CCDC195: variants seen among roughly 807,000 people sequenced by gnomAD.
CCDC195 encodes coiled-coil domain-containing protein 195.
At chr2:224,704,256 T>C (rs1037453299) in intron 2 of CCDC195, among the ~76,000 whole-genome samples, 3 of 152,202 alleles carry the variant, frequency 2.0e-5, no homozygotes, top group Non-Finnish European at 2.9e-5. Context: ...GAGGCAATTA[T>C]TTTATAGTCC....
intron 1 of CCDC195, among the ~76,000 whole-genome samples, chr2:224,711,568 A>G (rs1198047456): frequency 6.6e-6 from 1 of 151,790 alleles, no homozygotes; most frequent in Non-Finnish European, 1.5e-5. Flanking sequence ...CACTGATCTC[A>G]TGGGTTGGTT....
intron 2 of CCDC195, among the ~76,000 whole-genome samples, chr2:224,707,729 A>G (rs1689232322): frequency 6.6e-6 from 1 of 152,378 alleles, no homozygotes; most frequent in Admixed American, 6.5e-5. Flanking sequence ...AATCCTGCCC[A>G]ACATGCAGCA....
intron 1 of CCDC195, among the ~76,000 whole-genome samples, chr2:224,711,249 C>T (rs1417923603): frequency 2.0e-5 from 3 of 152,166 alleles, no homozygotes; most frequent in East Asian, 1.9e-4. Flanking sequence ...TTGGAGAGCC[C>T]CTGAAAGAGA....
chr2:224,714,408 A>ACTG (rs1559323308), intron 1 of CCDC195, among the ~76,000 whole-genome samples: 1 of 151,730 alleles, frequency 6.6e-6, no homozygotes, highest in African/African-American at 2.4e-5. Flanking sequence ...GACTTGAAGT[A>ACTG]TTGTTTATTT....
chr2:224,706,189 C>CTTTTTTGTT (rs1697238257), intron 2 of CCDC195, among the ~76,000 whole-genome samples: 1 of 33,340 alleles, frequency 3.0e-5, no homozygotes, highest in Non-Finnish European at 4.7e-5. Context: ...TATTTTGTAA[C>CTTTTTTGTT]TTTTTTTTTT....
rs147690815 is a variant in CCDC195 at position 224,710,371 on chromosome 2, G to C, written c.236-152C>G. ...AAAAGATATCCATTTGGCCTGGCGC[G>C]GTGGCTCACACCTGTAATCCCAGCA... On this transcript the variant is annotated intron_variant, in intron 1 of 2. Transcript: ENST00000638102. Among the ~76,000 whole-genome samples the C allele has an allele frequency of 7.4e-4, 112 of 152,302 alleles. 4 individuals are homozygous for C. In the South Asian group the frequency reaches 0.022, roughly 30 times the overall value.
At chr2:224,711,207 T>C (rs1309506829) in intron 1 of CCDC195, among the ~76,000 whole-genome samples, 1 of 152,082 alleles carries the variant, frequency 6.6e-6, no homozygotes, top group Non-Finnish European at 1.5e-5. Context: ...AGGAGACACA[T>C]GGCAAAGAGC....
At chr2:224,713,362 A>G (rs1007496270) in intron 1 of CCDC195, among the ~76,000 whole-genome samples, 1 of 152,198 alleles carries the variant, frequency 6.6e-6, no homozygotes, top group Non-Finnish European at 1.5e-5. Context: ...TACTTACACT[A>G]TCTTTACTCC....
intron 2 of CCDC195, among the ~76,000 whole-genome samples, chr2:224,709,330 C>A (rs1034663957): frequency 2.0e-5 from 3 of 152,090 alleles, no homozygotes; most frequent in African/African-American, 7.2e-5. Flanking sequence ...CTCAAGTGAT[C>A]CAGCCCGCCT....
At chr2:224,707,969 T>TACG in intron 2 of CCDC195, among the ~76,000 whole-genome samples, 1 of 67,310 alleles carries the variant, frequency 1.5e-5, no homozygotes, top group East Asian at 5.3e-4. Flanking sequence ...CCTCCCTCCC[T>TACG]TCTTCCCTCC....
At chr2:224,704,938 C>T (rs887280171) in intron 2 of CCDC195, among the ~76,000 whole-genome samples, 3 of 152,146 alleles carry the variant, frequency 2.0e-5, no homozygotes, top group Admixed American at 6.6e-5. Flanking sequence ...GCTGCACCCT[C>T]TTTTGGGAGG....
chr2:224,706,906 T>TAC (rs149946593), intron 2 of CCDC195, among the ~76,000 whole-genome samples: 13,226 of 151,260 alleles, frequency 0.087, 749 homozygotes, highest in East Asian at 0.26. Context: ...TATATATATA[T>TAC]ACACACACGC....
chr2:224,715,628 C>T (rs981782660), intron 1 of CCDC195, among the ~76,000 whole-genome samples: 2 of 152,220 alleles, frequency 1.3e-5, no homozygotes, highest in East Asian at 3.8e-4. Context: ...GGTACTATAA[C>T]ACTTCCAGAT....
intron 1 of CCDC195, among the ~76,000 whole-genome samples, chr2:224,715,152 C>T (rs1689364271): frequency 6.6e-6 from 1 of 152,178 alleles, no homozygotes; most frequent in Non-Finnish European, 1.5e-5. Flanking sequence ...AGGTCTCAAT[C>T]TCTTGACCTC....
At chr2:224,714,003 ATTCTTTTCTT>A (rs1049601659) in intron 1 of CCDC195, among the ~76,000 whole-genome samples, 2 of 150,728 alleles carry the variant, frequency 1.3e-5, no homozygotes, top group African/African-American at 2.4e-5. Flanking sequence ...TTTCTTTTCT[ATTCTTTTCTT>A]TTCTTTGTAG....
At chr2:224,714,009 T>G (rs1405367185) in intron 1 of CCDC195, among the ~76,000 whole-genome samples, 1 of 152,092 alleles carries the variant, frequency 6.6e-6, no homozygotes, top group African/African-American at 2.4e-5. Context: ...TTCTATTCTT[T>G]TCTTTTCTTT....
chr2:224,710,212 G>C, exon 2 of CCDC195: 2 of 398,474 alleles, frequency 5.0e-6, no homozygotes, highest in East Asian at 7.1e-5. Flanking sequence ...TAACAATCAT[G>C]ACATTGCCTG....
chr2:224,713,271 T>C (rs1342809356), intron 1 of CCDC195, among the ~76,000 whole-genome samples: 1 of 152,244 alleles, frequency 6.6e-6, no homozygotes, highest in African/African-American at 2.4e-5. Flanking sequence ...TAAAAACTTA[T>C]GCTCAAGTCA....
At chr2:224,707,956 CTCCCTCCCTCCCTTCT>C (rs573969055) in intron 2 of CCDC195, among the ~76,000 whole-genome samples, 3 of 122,064 alleles carry the variant, frequency 2.5e-5, no homozygotes, top group African/African-American at 1.0e-4. Flanking sequence ...TTCTCTTTAC[CTCCCTCCCTCCCTTCT>C]TCCCTCCCTC....
Sources: allele counts gnomAD v4.1 joint callset (sites outside exome capture counted in the v4.1 genomes callset), GRCh38; gene constraint gnomAD v4.1.1; transcripts MANE v1.5; gene names NCBI Gene and HGNC (gene_info 2026-07-23, HGNC 2026-07-21).